The following CEP192 variants were observed in gnomAD, a reference collection of about 807,000 sequenced individuals.
CEP192 encodes the protein centrosomal protein 192, also known as centrosomal protein of 192 kDa.
A neutral mutation model predicts 271.8 loss-of-function variants in CEP192; 151 were observed. That is an observed-to-expected ratio of 0.56 (90% CI 0.49 to 0.64). The LOEUF (loss-of-function observed/expected upper bound fraction) is 0.64. Ranked by LOEUF, CEP192 falls within the 30% of genes least tolerant of loss-of-function variation. The probability of loss-of-function intolerance (pLI) is 0.00; values close to 1 mark genes in which losing one functional copy is unlikely to be tolerated. For synonymous variants in CEP192, 995 were observed against 1,076.5 expected, an observed-to-expected ratio of 0.92 and a Z score of 1.48; for missense variants, 2,910 against 3,020.5, an observed-to-expected ratio of 0.96 and a Z score of 0.86.
At position 13,116,280 on chromosome 18, in the gene CEP192, ATAAAT is replaced by A. The variant is rs1051365192; in HGVS notation, c.7290-93_7290-89del. Reference sequence around the variant, plus strand: ...TTTGAAAATAAATCACCAGGAAAACATAAATTAATGCAATACTACATAATTTTAAT... The same window carrying A: ...TTTGAAAATAAATCACCAGGAAAACATAATGCAATACTACATAATTTTAAT... On this transcript the variant is annotated intron_variant, in intron 42 of 44. Transcript: ENST00000506447. The A allele has an allele frequency of 6.1e-6, 7 of 1,150,520 alleles. No homozygotes were observed. The African/African-American group carries it at 1.1e-4, about 19-fold the overall frequency. The allele number at this position is 1,150,520 out of a possible 1,614,324, so 71.3% of individuals were successfully genotyped here. A position where few individuals can be genotyped will look rare whatever the true frequency, so the allele number is the denominator to read the frequency against.
In CEP192 at chr18:13,057,712, C is replaced by A. The variant is rs765425768; in HGVS notation, c.4236C>A (p.Ser1412Arg). The A allele has an allele frequency of 3.1e-6, 5 of 1,613,894 alleles. No individual in the cohort carries two copies. In the African/African-American group the frequency reaches 6.7e-5, roughly 22 times the overall value. Reference sequence around the variant, plus strand: ...TGCAAGTCAGCATTGGGGTCCTCAGCATTAGTGTTAATGGTGAAAAGGTAG... The same window carrying A: ...TGCAAGTCAGCATTGGGGTCCTCAGAATTAGTGTTAATGGTGAAAAGGTAG... ...RWLQVSIGVL[S>R]ISVNGEKVDL... The change falls in exon 20 of 45, where the codon AGC becomes AGA. Residue 1412 changes from serine (S) to arginine (R), a missense_variant. Transcript: ENST00000506447.
intron 21 of CEP192, among the ~76,000 whole-genome samples, chr18:13,065,780 T>C (rs990089984): frequency 1.3e-5 from 2 of 152,190 alleles, no homozygotes; most frequent in African/African-American, 4.8e-5. Flanking sequence ...AGGACTCTTA[T>C]ATAACATCCA....
intron 9 of CEP192, among the ~76,000 whole-genome samples, chr18:13,023,744 A>G (rs1163738674): frequency 6.6e-6 from 1 of 152,104 alleles, no homozygotes; most frequent in African/African-American, 2.4e-5. Context: ...ACTTCATAGA[A>G]TCTGTTAGTA....
Position 13,001,440 on chromosome 18 carries a change from A to G in CEP192, c.165-17A>G, listed in dbSNP as rs561852357. Reference sequence around the variant, plus strand: ...TAATTTAATTCTTAACAATTAAAACAAATTTTTTTTGTATAGGTATCCTGA... The same window carrying G: ...TAATTTAATTCTTAACAATTAAAACGAATTTTTTTTGTATAGGTATCCTGA... On this transcript the variant is annotated splice_polypyrimidine_tract_variant and intron_variant, in intron 2 of 44. Transcript: ENST00000506447. 3.5e-5 allele frequency: 53 copies of G among 1,517,262 alleles called. No individual in the cohort carries two copies. In the Middle Eastern group the frequency reaches 5.6e-4, roughly 16 times the overall value. The allele number at this position is 1,517,262 out of a possible 1,614,324, so 94.0% of individuals were successfully genotyped here. A position where few individuals can be genotyped will look rare whatever the true frequency, so the allele number is the denominator to read the frequency against.
At chr18:13,014,814 A>G (rs2034551584) in intron 5 of CEP192, among the ~76,000 whole-genome samples, 2 of 152,190 alleles carry the variant, frequency 1.3e-5, no homozygotes, top group South Asian at 4.1e-4. Context: ...ATATATATGA[A>G]ATATAATCAC....
intron 9 of CEP192, among the ~76,000 whole-genome samples, chr18:13,028,063 C>T (rs554854157): frequency 6.6e-6 from 1 of 152,272 alleles, no homozygotes; most frequent in South Asian, 2.1e-4. Flanking sequence ...GTGATTCTCC[C>T]TCCTAAGGCT....
At chr18:13,056,940 TG>T (rs2037139286) in intron 19 of CEP192, among the ~76,000 whole-genome samples, 1 of 152,220 alleles carries the variant, frequency 6.6e-6, no homozygotes, top group Non-Finnish European at 1.5e-5. Flanking sequence ...TCTTTTGCTC[TG>T]CCATTCCAGT....
intron 11 of CEP192, among the ~76,000 whole-genome samples, chr18:13,031,894 C>T (rs1444011317): frequency 6.6e-6 from 1 of 152,048 alleles, no homozygotes; most frequent in Non-Finnish European, 1.5e-5. Context: ...AGAGAAAGCC[C>T]AGTTGGAAAG....
chr18:13,083,788 C>T (rs563524434), intron 30 of CEP192, among the ~76,000 whole-genome samples: 36 of 152,280 alleles, frequency 2.4e-4, no homozygotes, highest in African/African-American at 7.7e-4. Flanking sequence ...TGGTGACCTA[C>T]AGATGGGGTT....
intron 15 of CEP192, among the ~76,000 whole-genome samples, chr18:13,044,701 G>A (rs969856820): frequency 3.3e-5 from 5 of 152,268 alleles, no homozygotes; most frequent in South Asian, 2.1e-4. Context: ...TGGATTTGGC[G>A]TGTGCTAATA....
chr18:13,089,188 G>A (rs1309592559), intron 32 of CEP192, among the ~76,000 whole-genome samples: 1 of 152,132 alleles, frequency 6.6e-6, no homozygotes, highest in African/African-American at 2.4e-5. Flanking sequence ...CACAAATAAT[G>A]AAAATGTAGG....
At chr18:13,011,852 G>A (rs1274995478) in intron 4 of CEP192, among the ~76,000 whole-genome samples, 2 of 152,152 alleles carry the variant, frequency 1.3e-5, no homozygotes, top group East Asian at 3.8e-4. Context: ...GTACATGAAT[G>A]TTCATAGCAG....
intron 31 of CEP192, 74 bp downstream of exon 31, chr18:13,087,351 A>G (rs961172669): frequency 7.7e-7 from 1 of 1,302,486 alleles, no homozygotes; most frequent in African/African-American, 1.5e-5. Flanking sequence ...TTTTAAAGCC[A>G]AAAGCTAAAA....
At chr18:13,002,312 T>A (rs201405030) in intron 3 of CEP192, among the ~76,000 whole-genome samples, 37,416 of 151,822 alleles carry the variant, frequency 0.25, 5,454 homozygotes, top group East Asian at 0.44. Flanking sequence ...AAGATTAAGC[T>A]CTTATTCTAT....
chr18:13,036,980 A>G (rs1392891867), intron 11 of CEP192, among the ~76,000 whole-genome samples: 1 of 152,252 alleles, frequency 6.6e-6, no homozygotes, highest in Non-Finnish European at 1.5e-5. Flanking sequence ...TTTAGAGAGA[A>G]AAAGCTTTCA....
intron 6 of CEP192, 147 bp downstream of exon 6, chr18:13,015,595 AT>A: frequency 5.9e-6 from 4 of 680,420 alleles, no homozygotes; most frequent in African/African-American, 1.8e-5. Flanking sequence ...GGCCACTTCT[AT>A]TAAGTGATGG....
intron 44 of CEP192, among the ~76,000 whole-genome samples, chr18:13,119,443 TA>T (rs1249943680): frequency 2.0e-5 from 3 of 152,174 alleles, no homozygotes; most frequent in Non-Finnish European, 4.4e-5. Flanking sequence ...CTTCTTACCT[TA>T]AAAAATATAT....
At chr18:13,085,078 G>C (rs1010453774) in intron 30 of CEP192, among the ~76,000 whole-genome samples, 6 of 151,394 alleles carry the variant, frequency 4.0e-5, no homozygotes, top group African/African-American at 1.5e-4. Flanking sequence ...GCCCACCTTT[G>C]CCTCCCAAAG....
chr18:13,102,379 C>T (rs951560075), intron 38 of CEP192, among the ~76,000 whole-genome samples: 3 of 152,104 alleles, frequency 2.0e-5, no homozygotes, highest in Non-Finnish European at 4.4e-5. Flanking sequence ...GCTTCTCCCT[C>T]CTTGTTGATT....
Sources: allele counts gnomAD v4.1 joint callset (sites outside exome capture counted in the v4.1 genomes callset), GRCh38; gene constraint gnomAD v4.1.1; transcripts MANE v1.5; gene names NCBI Gene and HGNC (gene_info 2026-07-23, HGNC 2026-07-21).